The following DISP1 variants were observed in gnomAD, a reference collection of about 807,000 sequenced individuals.
DISP1 encodes dispatched RND transporter family member 1.
In DISP1, 30 loss-of-function variants were observed where a neutral mutation model predicts 37.3. The ratio of observed to expected loss-of-function variants is 0.80; its 90% CI spans 0.60 to 1.09. The LOEUF (loss-of-function observed/expected upper bound fraction) is 1.09. DISP1 is among the 50% of genes least tolerant of loss of function. The pLI is 0.00. For synonymous variants in DISP1, 634 were observed against 690.2 expected, an observed-to-expected ratio of 0.92 and a Z score of 1.28; for missense variants, 1,598 against 1,879.5, an observed-to-expected ratio of 0.85 and a Z score of 2.77.
Position 223,004,127 on chromosome 1 carries a change from A to G in DISP1, c.2730A>G (p.Pro910=), listed in dbSNP as rs1413668612. The stretch of plus-strand genomic sequence containing the variant: ...GGTACCATTTGGATAGCAAAACCCC[A>G]GGGCCGAGGTTTGATATCAATGATA... ...STGYHLDSKT[P]GPRFDINDTI... The change falls in exon 9 of 9, where the codon CCA becomes CCG. Residue 910 remains proline, a synonymous_variant. Coordinates refer to ENST00000675850, the MANE Select transcript of DISP1 (RefSeq NM_001377229.1). This position sits in a 1 kb window ranked among gnomAD's most constrained non-coding sequence, Gnocchi z 4.9. The G allele has an allele frequency of 6.2e-7, 1 of 1,614,190 alleles. No individual in the cohort carries two copies.
chr1:222,839,823 C>T (rs1467239073), intron 1 of DISP1, among the ~76,000 whole-genome samples: 1 of 151,878 alleles, frequency 6.6e-6, no homozygotes, highest in Non-Finnish European at 1.5e-5. Context: ...GTCCCAGGTA[C>T]TCGGGAGGCT....
chr1:222,990,003 C>T (rs541410927), intron 4 of DISP1, among the ~76,000 whole-genome samples: 2 of 152,108 alleles, frequency 1.3e-5, no homozygotes, highest in African/African-American at 4.8e-5. Flanking sequence ...AGGGTTTCAC[C>T]GTGTTAGTCA....
intron 1 of DISP1, among the ~76,000 whole-genome samples, chr1:222,848,198 C>G (rs150643959): frequency 1.3e-5 from 2 of 152,058 alleles, no homozygotes; most frequent in East Asian, 3.9e-4. Context: ...TTCTTCTGTT[C>G]TTTTTATCTG....
rs958970951 is a variant in DISP1 at position 222,893,288 on chromosome 1, C to T, written c.-158-35142C>T. Among the ~76,000 whole-genome samples the T allele has an allele frequency of 1.3e-5, 2 of 152,164 alleles. No individual in the cohort carries two copies. The highest frequency in any genetic ancestry group is 2.9e-5 in the Non-Finnish European group (2 of 68,034). On this transcript the variant is annotated intron_variant, in intron 1 of 8. Coordinates refer to ENST00000675850, the MANE Select transcript of DISP1 (RefSeq NM_001377229.1). This position sits in a 1 kb window ranked among gnomAD's most constrained non-coding sequence, Gnocchi z 4.3. ...AATTATTCACTGTATATAATAATTA[C>T]TGTCACTCATTATTGTCATGGGATC...
At chr1:222,940,368 C>G (rs867650985) in intron 2 of DISP1, among the ~76,000 whole-genome samples, 1 of 151,984 alleles carries the variant, frequency 6.6e-6, no homozygotes, top group African/African-American at 2.4e-5. Flanking sequence ...TCAGGAGAAC[C>G]CACTCACTAT....
At chr1:222,910,602 T>A (rs4307575) in intron 1 of DISP1, among the ~76,000 whole-genome samples, 51,316 of 152,034 alleles carry the variant, frequency 0.34, 8,824 homozygotes, top group East Asian at 0.52. Flanking sequence ...TGTGTGAACA[T>A]GATTTGTTCA....
At chr1:222,970,279 C>G (rs1378469126) in intron 3 of DISP1, among the ~76,000 whole-genome samples, 1 of 152,188 alleles carries the variant, frequency 6.6e-6, no homozygotes, top group Non-Finnish European at 1.5e-5. Flanking sequence ...TCATCTAAGG[C>G]AGACAGATGG....
intron 1 of DISP1, among the ~76,000 whole-genome samples, chr1:222,854,310 G>A (rs992661011): frequency 5.8e-4 from 89 of 152,274 alleles, no homozygotes; most frequent in African/African-American, 2.0e-3. Context: ...CTGCATGGCT[G>A]GGGAAGCCTC....
intron 1 of DISP1, among the ~76,000 whole-genome samples, chr1:222,909,170 TATAG>T (rs1228045639): frequency 6.6e-6 from 1 of 152,132 alleles, no homozygotes; most frequent in African/African-American, 2.4e-5. Context: ...ATATTGTATA[TATAG>T]ATATACATTT....
At chr1:222,921,373 A>G (rs1002698652) in intron 1 of DISP1, among the ~76,000 whole-genome samples, 2 of 152,198 alleles carry the variant, frequency 1.3e-5, no homozygotes, top group African/African-American at 2.4e-5. Context: ...ATGACTCACT[A>G]TAAGTGAAAA....
chr1:222,872,985 G>A (rs1391297174), intron 1 of DISP1, among the ~76,000 whole-genome samples: 7 of 152,012 alleles, frequency 4.6e-5, no homozygotes, highest in East Asian at 1.9e-4. Context: ...CTTTGTTCTT[G>A]TTGGTTTCAA....
chr1:222,945,406 A>G (rs745650645), intron 3 of DISP1, among the ~76,000 whole-genome samples: 1 of 152,260 alleles, frequency 6.6e-6, no homozygotes, highest in African/African-American at 2.4e-5. Flanking sequence ...ATAAATATTG[A>G]TGTTTCAAAT....
At chr1:222,894,702 C>A (rs535822262) in intron 1 of DISP1, among the ~76,000 whole-genome samples, 4 of 152,190 alleles carry the variant, frequency 2.6e-5, no homozygotes, top group Non-Finnish European at 5.9e-5. Flanking sequence ...CCTGCTTTGC[C>A]AATTCGGAAA....
intron 3 of DISP1, among the ~76,000 whole-genome samples, chr1:222,952,853 C>CA (rs1266140794): frequency 6.6e-6 from 1 of 151,666 alleles, no homozygotes; most frequent in Non-Finnish European, 1.5e-5. Context: ...AAAAACAAAA[C>CA]AAACAAACAA....
intron 1 of DISP1, among the ~76,000 whole-genome samples, chr1:222,860,508 T>C (rs1028925328): frequency 6.6e-6 from 1 of 152,186 alleles, no homozygotes; most frequent in African/African-American, 2.4e-5. Context: ...ACATCATCTA[T>C]AGTAGAAAGC....
chr1:222,925,531 A>T (rs1673031232), intron 1 of DISP1, among the ~76,000 whole-genome samples: 2 of 152,160 alleles, frequency 1.3e-5, no homozygotes, highest in Non-Finnish European at 2.9e-5. Context: ...AGCATACCCT[A>T]AGATTTTAGG....
At chr1:222,841,525 T>G (rs903987641) in intron 1 of DISP1, among the ~76,000 whole-genome samples, 2 of 152,196 alleles carry the variant, frequency 1.3e-5, no homozygotes, top group African/African-American at 4.8e-5. Context: ...GTTTAACCAC[T>G]ACGCTAGACA....
At position 222,951,071 on chromosome 1, in the gene DISP1, A is replaced by G. The variant is rs139226638; in HGVS notation, c.509+7739A>G. Among the ~76,000 whole-genome samples, 145 of 152,278 alleles carry G rather than the reference A, an allele frequency of 9.5e-4. 2 individuals are homozygous for G. The highest frequency in any genetic ancestry group is 1.4e-3 in the South Asian group (7 of 4,830). Reference sequence around the variant, plus strand: ...TTATTTACCTAAGGTGATTTCATAGACAGATGGCCATTTTGAATGTTTCAT... The same window carrying G: ...TTATTTACCTAAGGTGATTTCATAGGCAGATGGCCATTTTGAATGTTTCAT... On this transcript the variant is annotated intron_variant, in intron 3 of 8. Transcript: ENST00000675850.
intron 3 of DISP1, among the ~76,000 whole-genome samples, chr1:222,972,995 A>G (rs890947992): frequency 1.3e-5 from 2 of 152,140 alleles, no homozygotes; most frequent in African/African-American, 4.8e-5. Flanking sequence ...TATCACTTAA[A>G]CTGGCAGTGA....
Sources: gnomAD v4.1 joint callset for allele counts (sites outside exome capture counted in the v4.1 genomes callset) on GRCh38, gnomAD v4.1.1 for gene constraint, Gnocchi (gnomAD v3.1) non-coding constraint, MANE v1.5 for transcripts, NCBI Gene and HGNC (gene_info 2026-07-23, HGNC 2026-07-21) for gene names.